The following UBE2D2 variants were observed in gnomAD, a reference collection of about 807,000 sequenced individuals.
UBE2D2 encodes the protein ubiquitin-conjugating enzyme E2 D2.
UBE2D2 carries 2 observed loss-of-function variants against 24.2 expected under a neutral mutation model. The ratio of observed to expected loss-of-function variants is 0.08; its 90% confidence interval spans 0.03 to 0.26. The LOEUF (loss-of-function observed/expected upper bound fraction) is 0.26. UBE2D2 is among the 10% of genes least tolerant of loss of function. The pLI is 1.00. For missense variants in UBE2D2, 44 were observed against 177.6 expected (o/e 0.25, Z 4.28); for synonymous variants, 58 against 56.5 (o/e 1.03, Z -0.12).
At chr5:139,562,159 C>T in intron 1 of UBE2D2, 2 of 1,319,828 alleles carry the variant, frequency 1.5e-6, no homozygotes, top group Non-Finnish European at 2.0e-6. Flanking sequence ...CCGAGGGGGG[C>T]GCTGGGGCGT....
intron 2 of UBE2D2, among the ~76,000 whole-genome samples, chr5:139,604,922 G>A (rs1754167439): frequency 1.3e-5 from 2 of 151,038 alleles, no homozygotes; most frequent in South Asian, 4.2e-4. Flanking sequence ...TCTTTCTGAT[G>A]AACCCCACAT....
intron 1 of UBE2D2, among the ~76,000 whole-genome samples, chr5:139,566,471 C>G: frequency 6.6e-6 from 1 of 152,080 alleles, no homozygotes; most frequent in Non-Finnish European, 1.5e-5. Context: ...CTCAGGAGTT[C>G]GAGACCAGCC....
chr5:139,574,093 T>G (rs1265679913), intron 1 of UBE2D2, among the ~76,000 whole-genome samples: 1 of 151,610 alleles, frequency 6.6e-6, no homozygotes. Flanking sequence ...CTCTTTTTTT[T>G]TTTTGAGACG....
intron 1 of UBE2D2, among the ~76,000 whole-genome samples, chr5:139,552,134 G>A (rs961233123): frequency 9.9e-5 from 15 of 151,540 alleles, no homozygotes; most frequent in African/African-American, 3.6e-4. Flanking sequence ...AAATAGATTA[G>A]CCTCTAATAG....
At chr5:139,549,372 C>T (rs1221693447) in intron 1 of UBE2D2, among the ~76,000 whole-genome samples, 3 of 152,160 alleles carry the variant, frequency 2.0e-5, no homozygotes, top group South Asian at 2.1e-4. Context: ...ACTGGGGCTG[C>T]GCGCATGGCA....
At chr5:139,535,290 C>CAAAAA (rs527336000) in intron 1 of UBE2D2, among the ~76,000 whole-genome samples, 2 of 76,510 alleles carry the variant, frequency 2.6e-5, no homozygotes, top group African/African-American at 4.7e-5. Context: ...ACTAAAAATA[C>CAAAAA]AAAAAAAAAA....
chr5:139,599,306 A>G lies in UBE2D2; in HGVS notation c.25-1066A>G, dbSNP rs529708267. On this transcript the variant is annotated intron_variant, in intron 1 of 6. Coordinates refer to ENST00000398733, the MANE Select transcript of UBE2D2 (RefSeq NM_003339.3). Reference sequence around the variant, plus strand: ...GTGGACTTCCACTGAAAGCATATCAACTTGTCAGATGGTCCAGTATAATTT... The same window carrying G: ...GTGGACTTCCACTGAAAGCATATCAGCTTGTCAGATGGTCCAGTATAATTT... Among the ~76,000 whole-genome samples the G allele has an allele frequency of 3.4e-3, 510 of 152,152 alleles. 1 individual carries two copies. The highest frequency in any genetic ancestry group is 0.01 in the Middle Eastern group (3 of 294).
intron 1 of UBE2D2, among the ~76,000 whole-genome samples, chr5:139,529,256 A>T (rs532454010): frequency 6.6e-5 from 10 of 152,310 alleles, no homozygotes; most frequent in Admixed American, 6.5e-4. Context: ...ACCTCCCAAG[A>T]TCACAGTCTT....
At chr5:139,573,086 G>T (rs1190594807) in intron 1 of UBE2D2, among the ~76,000 whole-genome samples, 2 of 151,990 alleles carry the variant, frequency 1.3e-5, no homozygotes, top group East Asian at 3.9e-4. Flanking sequence ...CAGATCATGA[G>T]GTCAGGAGAT....
At chr5:139,542,429 G>T (rs2126633125) in intron 1 of UBE2D2, among the ~76,000 whole-genome samples, 1 of 152,196 alleles carries the variant, frequency 6.6e-6, no homozygotes, top group South Asian at 2.1e-4. Context: ...GAGTGCAGTG[G>T]CAGGATCTCG....
At chr5:139,568,476 G>C (rs373102481) in intron 1 of UBE2D2, among the ~76,000 whole-genome samples, 1 of 151,842 alleles carries the variant, frequency 6.6e-6, no homozygotes, top group African/African-American at 2.4e-5. Context: ...TGGCTAACAC[G>C]GTGAAACCCC....
Sources: allele counts gnomAD v4.1 joint callset (sites outside exome capture counted in the v4.1 genomes callset), GRCh38; gene constraint gnomAD v4.1.1; transcripts MANE v1.5; gene names NCBI Gene and HGNC (gene_info 2026-07-23, HGNC 2026-07-21).